Variants in NUP98 observed in about 807,000 individuals in gnomAD.
The protein encoded by NUP98 is nuclear pore complex protein Nup98-Nup96.
In NUP98, 26 loss-of-function variants were observed where a neutral mutation model predicts 191.9. The ratio of observed to expected loss-of-function variants is 0.14; its 90% CI spans 0.10 to 0.19. The LOEUF (loss-of-function observed/expected upper bound fraction) is 0.19, where lower values mean the gene tolerates loss of function less well. Among genes scored for constraint, NUP98 ranks in the 10% least tolerant of loss-of-function variants. The pLI, the probability that NUP98 is intolerant of heterozygous loss-of-function variation, is 1.00. For missense variants in NUP98, 1,941 were observed against 2,178.8 expected, an observed-to-expected ratio of 0.89 and a Z score of 2.17; for synonymous variants, 808 against 778.4, an observed-to-expected ratio of 1.04 and a Z score of -0.63.
chr11:3,706,677 G>T, intron 20 of NUP98, 50 bp from the exon 21 acceptor site: 1 of 1,480,978 alleles, frequency 6.8e-7, no homozygotes, highest in Non-Finnish European at 9.3e-7. Flanking sequence ...ATACCAAACA[G>T]AAATAGATTC....
chr11:3,731,842 T>G (rs1036264276), intron 13 of NUP98, among the ~76,000 whole-genome samples: 9 of 152,178 alleles, frequency 5.9e-5, no homozygotes, highest in Admixed American at 1.3e-4. Flanking sequence ...CAGTTGAGTA[T>G]CCCAAATGTG....
At chr11:3,743,529 C>T (rs796833250) in intron 12 of NUP98, among the ~76,000 whole-genome samples, 34 of 149,330 alleles carry the variant, frequency 2.3e-4, no homozygotes, top group African/African-American at 7.4e-4. Flanking sequence ...CACCTGTAGT[C>T]CCAGCTACTC....
At chr11:3,692,223 G>A (rs926906320) in intron 27 of NUP98, among the ~76,000 whole-genome samples, 1 of 151,784 alleles carries the variant, frequency 6.6e-6, no homozygotes, top group African/African-American at 2.4e-5. Context: ...CAGCTACTCA[G>A]GAGGCTGGGG....
chr11:3,797,538 G>C lies in NUP98; in HGVS notation c.-167C>G. 2.2e-6 allele frequency: 1 copy of C among 449,104 alleles called. No homozygotes were observed. The highest frequency in any genetic ancestry group is 3.9e-6 in the Non-Finnish European group (1 of 255,394). 27.8% of individuals were successfully genotyped at this position (449,104 alleles called of 1,614,324 possible). ...CCGACCGCCGCTTCGGGCGCAGCGC[G>C]CAGAGGGCCCGACTGCGTCACACGC... On this transcript the variant is annotated 5_prime_UTR_variant, in exon 1 of 33. Transcript: ENST00000324932.
At chr11:3,755,963 G>A (rs533550566) in intron 10 of NUP98, among the ~76,000 whole-genome samples, 6 of 151,916 alleles carry the variant, frequency 3.9e-5, no homozygotes, top group South Asian at 4.2e-4. Context: ...ACTCCATCTC[G>A]AAAAAAATAA....
intron 23 of NUP98, among the ~76,000 whole-genome samples, chr11:3,701,691 C>CT (rs1160678744): frequency 7.9e-4 from 114 of 143,428 alleles, no homozygotes; most frequent in Middle Eastern, 3.7e-3. Context: ...TCTTTTCTCT[C>CT]TTTTTTTTTT....
chr11:3,677,619 C>T (rs577490211), intron 31 of NUP98, among the ~76,000 whole-genome samples: 13 of 152,122 alleles, frequency 8.5e-5, no homozygotes, highest in South Asian at 2.1e-4. Context: ...GTATGTATCT[C>T]CCCCACAAAA....
rs145250188 is a variant in NUP98, at chr11:3,689,342, C to T, written c.4454+2005G>A. On this transcript the variant is annotated intron_variant, in intron 28 of 32. Transcript: ENST00000324932. ...GAGATCGAGACCATCTTGGCTAACA[C>T]GGTGAAACCCTGTCTCTACTAAAAA... Among the ~76,000 whole-genome samples, 667 of 152,076 alleles carry T rather than the reference C, an allele frequency of 4.4e-3. 3 individuals are homozygous for T. The highest frequency in any genetic ancestry group is 0.015 in the African/African-American group (631 of 41,484).
chr11:3,707,753 A>AAAAAAAAAAAAAAAAAAAAAAAAAAAG, intron 20 of NUP98, among the ~76,000 whole-genome samples: 1 of 149,504 alleles, frequency 6.7e-6, no homozygotes, highest in Non-Finnish European at 1.5e-5. Context: ...AAAAAAAAAA[A>AAAAAAAAAAAAAAAAAAAAAAAAAAAG]ATCCTGAAGG....
Position 3,676,040 on chromosome 11 carries a change from G to A in NUP98, c.*119C>T. 1.2e-6 allele frequency: 1 copy of A among 863,258 alleles called. No homozygotes were observed. The highest frequency in any genetic ancestry group is 1.8e-6 in the Non-Finnish European group (1 of 546,838). The allele number at this position is 863,258 out of a possible 1,614,324, so 53.5% of individuals were successfully genotyped here. ...GGAGGATGCTGCTTCTGGCAGCAGG[G>A]AGGGAGGGTAGATGCCACAGCCAAC... is the stretch of plus-strand genomic sequence containing the variant. On this transcript the variant is annotated 3_prime_UTR_variant, in exon 33 of 33. Transcript: ENST00000324932.
chr11:3,676,979 T>A (rs894494751), intron 31 of NUP98, among the ~76,000 whole-genome samples: 4 of 152,070 alleles, frequency 2.6e-5, no homozygotes, highest in Non-Finnish European at 4.4e-5. Flanking sequence ...AGAACCAACA[T>A]TTAATTTAGG....
At position 3,787,766 on chromosome 11, in the gene NUP98, G is replaced by T. The variant is rs1337209126; in HGVS notation, c.-28-5621C>A. On this transcript the variant is annotated intron_variant, in intron 1 of 32. Transcript: ENST00000324932. ...CCCAGCACTCCGGGAAGCAGAGGCGGGCAGATCACGAGGTCAAGAGATCGA... is the reference window on the plus strand; with the variant it reads ...CCCAGCACTCCGGGAAGCAGAGGCGTGCAGATCACGAGGTCAAGAGATCGA... 1.3e-5 allele frequency among the ~76,000 whole-genome samples: 2 copies of T among 152,066 alleles called. 1 individual carries two copies. Among genetic ancestry groups the T allele is most frequent in the Non-Finnish European group, 2.9e-5 (2 of 68,010 alleles).
intron 1 of NUP98, among the ~76,000 whole-genome samples, chr11:3,793,225 G>C (rs1282220496): frequency 6.6e-6 from 1 of 152,210 alleles, no homozygotes; most frequent in African/African-American, 2.4e-5. Context: ...TATGAGGCTA[G>C]ATTTTCTTCA....
At position 3,720,864 on chromosome 11, in the gene NUP98, A is replaced by T. The variant is rs565865524; in HGVS notation, c.2147-39T>A. The T allele has an allele frequency of 7.0e-6, 6 of 861,354 alleles. No homozygotes were observed. In the Admixed American group the frequency reaches 1.4e-4, roughly 20 times the overall value. 53.4% of individuals were successfully genotyped at this position (861,354 alleles called of 1,614,324 possible). ...AAAAAAAAAAACAGAAAAAAAAATA[A>T]CCTGAAATAATCAGCAACTAAATCA... On this transcript the variant is annotated intron_variant, in intron 16 of 32. Coordinates refer to ENST00000324932, the MANE Select transcript of NUP98 (RefSeq NM_016320.5).
At chr11:3,764,450 CA>C (rs1378980903) in intron 8 of NUP98, among the ~76,000 whole-genome samples, 1 of 152,164 alleles carries the variant, frequency 6.6e-6, no homozygotes, top group Non-Finnish European at 1.5e-5. Context: ...CGGTAAATCC[CA>C]AGATGTGCAA....
chr11:3,758,770 G>GGAGAGAGACA (rs200434645), intron 10 of NUP98, among the ~76,000 whole-genome samples: 3 of 152,032 alleles, frequency 2.0e-5, no homozygotes, highest in Admixed American at 6.6e-5. Context: ...GGGAGGGAGG[G>GGAGAGAGACA]GAGAGAGACA....
intron 21 of NUP98, 36 bp downstream of exon 21, chr11:3,706,409 G>T: frequency 6.3e-7 from 1 of 1,597,992 alleles, no homozygotes; most frequent in Non-Finnish European, 8.6e-7. Context: ...TATTAGTTTG[G>T]CTTTCTGTTA....
At chr11:3,790,511 T>C (rs1166526956) in intron 1 of NUP98, among the ~76,000 whole-genome samples, 1 of 152,172 alleles carries the variant, frequency 6.6e-6, no homozygotes, top group Non-Finnish European at 1.5e-5. Flanking sequence ...ATTTTCACAA[T>C]AAAACTAAGA....
intron 28 of NUP98, among the ~76,000 whole-genome samples, chr11:3,688,886 T>G (rs567865334): frequency 6.7e-6 from 1 of 148,444 alleles, no homozygotes; most frequent in African/African-American, 2.5e-5. Context: ...ATGAGCTATT[T>G]GTGTGACTAG....
Sources: gnomAD v4.1 joint callset for allele counts (sites outside exome capture counted in the v4.1 genomes callset) on GRCh38, gnomAD v4.1.1 for gene constraint, MANE v1.5 for transcripts, NCBI Gene and HGNC (gene_info 2026-07-23, HGNC 2026-07-21) for gene names.